SEMA6D: variants seen among roughly 807,000 people sequenced by gnomAD.
The protein encoded by SEMA6D is semaphorin-6D.
Under a neutral mutation model 106.6 loss-of-function variants are expected in SEMA6D, and 35 were observed. The ratio of observed to expected loss-of-function variants is 0.33; its 90% CI spans 0.25 to 0.44. SEMA6D has a LOEUF of 0.44. Among genes scored for constraint, SEMA6D ranks in the 20% least tolerant of loss-of-function variants. The probability of loss-of-function intolerance (pLI) is 1.00; values close to 1 mark genes in which losing one functional copy is unlikely to be tolerated. For synonymous variants in SEMA6D, 499 were observed against 487.7 expected (o/e 1.02, Z -0.31); for missense variants, 1,185 against 1,345.9 (o/e 0.88, Z 1.87).
intron 4 of SEMA6D, among the ~76,000 whole-genome samples, chr15:47,661,654 T>G (rs1253880404): frequency 6.6e-6 from 1 of 152,208 alleles, no homozygotes; most frequent in Non-Finnish European, 1.5e-5. Flanking sequence ...TGTTTGTGCG[T>G]CCAAGAAGAA....
chr15:47,527,920 A>G (rs1730967361), intron 3 of SEMA6D, among the ~76,000 whole-genome samples: 1 of 152,176 alleles, frequency 6.6e-6, no homozygotes, highest in Non-Finnish European at 1.5e-5. Context: ...TGTTACTATT[A>G]TTTTAAGGCC....
intron 4 of SEMA6D, among the ~76,000 whole-genome samples, chr15:47,611,091 G>A (rs914730517): frequency 2.0e-5 from 3 of 151,406 alleles, no homozygotes; most frequent in Admixed American, 1.3e-4. Context: ...AACAGCAAAG[G>A]CACCTGAGTC....
chr15:47,461,087 C>T (rs151004963), intron 2 of SEMA6D, among the ~76,000 whole-genome samples: 4 of 152,216 alleles, frequency 2.6e-5, no homozygotes, highest in East Asian at 3.9e-4. Flanking sequence ...TATGCCAATG[C>T]GTTTGTACTT....
intron 1 of SEMA6D, among the ~76,000 whole-genome samples, chr15:47,256,531 T>G (rs1054522273): frequency 6.6e-6 from 1 of 152,250 alleles, no homozygotes; most frequent in Non-Finnish European, 1.5e-5. Context: ...TTGATTGATG[T>G]GCTGATCTTG....
chr15:47,317,334 G>C (rs1648517357), intron 1 of SEMA6D, among the ~76,000 whole-genome samples: 7 of 151,956 alleles, frequency 4.6e-5, no homozygotes. Context: ...CTGGAAGCTT[G>C]TCTTTTTTAC....
At chr15:47,198,417 A>G (rs11852459) in intron 1 of SEMA6D, among the ~76,000 whole-genome samples, 58,586 of 151,970 alleles carry the variant, frequency 0.39, 11,777 homozygotes, top group Middle Eastern at 0.53. Flanking sequence ...AGGATTTGAT[A>G]TTGTGCAATA....
intron 1 of SEMA6D, among the ~76,000 whole-genome samples, chr15:47,248,640 T>C (rs1196731891): frequency 1.3e-5 from 2 of 152,264 alleles, no homozygotes; most frequent in African/African-American, 4.8e-5. Context: ...GGGAGTCTTC[T>C]GCAGTTTTTT....
intron 4 of SEMA6D, among the ~76,000 whole-genome samples, chr15:47,617,129 A>G (rs1224757151): frequency 6.6e-6 from 1 of 152,140 alleles, no homozygotes; most frequent in East Asian, 1.9e-4. Flanking sequence ...TCTCCTGGTT[A>G]GTCAAGTTCA....
chr15:47,337,632 G>C (rs1314473581), intron 1 of SEMA6D, among the ~76,000 whole-genome samples: 2 of 152,154 alleles, frequency 1.3e-5, no homozygotes, highest in African/African-American at 4.8e-5. Context: ...GCTCCTTAGA[G>C]TAATAGTTTG....
At position 47,695,206 on chromosome 15, in the gene SEMA6D, C is replaced by T. The variant is rs539325820; in HGVS notation, c.-54-64539C>T. Among the ~76,000 whole-genome samples the T allele has an allele frequency of 3.9e-4, 60 of 152,198 alleles. 1 individual carries two copies. Among genetic ancestry groups the T allele is most frequent in the Middle Eastern group, 6.8e-3 (2 of 294 alleles). On this transcript the variant is annotated intron_variant, in intron 4 of 19. Coordinates refer to the SEMA6D transcript ENST00000558014. Reference sequence around the variant, plus strand: ...TCAAGCTGATTTATAATATTAATGCCAAAACTGAATTCTCGTTTTTCAAAG... The same window carrying T: ...TCAAGCTGATTTATAATATTAATGCTAAAACTGAATTCTCGTTTTTCAAAG...
chr15:47,685,579 T>G (rs1184770535), intron 4 of SEMA6D, among the ~76,000 whole-genome samples: 1 of 152,166 alleles, frequency 6.6e-6, no homozygotes, highest in Non-Finnish European at 1.5e-5. Context: ...TTCTGCATTC[T>G]GGGTTAGGGC....
intron 1 of SEMA6D, among the ~76,000 whole-genome samples, chr15:47,392,584 TC>T (rs2040074861): frequency 6.6e-6 from 1 of 152,056 alleles, no homozygotes; most frequent in African/African-American, 2.4e-5. Flanking sequence ...GGAAATGAAT[TC>T]CCTCTATCCC....
At chr15:47,420,016 G>C (rs2041101213) in intron 2 of SEMA6D, among the ~76,000 whole-genome samples, 1 of 152,088 alleles carries the variant, frequency 6.6e-6, no homozygotes, top group Non-Finnish European at 1.5e-5. Context: ...TTGGGGGTGA[G>C]ACGGACCTTT....
At chr15:47,516,739 A>G (rs1474863289) in intron 3 of SEMA6D, among the ~76,000 whole-genome samples, 1 of 152,164 alleles carries the variant, frequency 6.6e-6, no homozygotes, top group Non-Finnish European at 1.5e-5. Context: ...GGAAGAGGAC[A>G]TCATCAAAGT....
chr15:47,694,633 T>C (rs1317815893), intron 4 of SEMA6D, among the ~76,000 whole-genome samples: 1 of 152,110 alleles, frequency 6.6e-6, no homozygotes, highest in Non-Finnish European at 1.5e-5. Context: ...CTTAGCTGTG[T>C]ATTCATTCAC....
intron 1 of SEMA6D, among the ~76,000 whole-genome samples, chr15:47,237,951 C>T (rs1005468090): frequency 6.6e-6 from 1 of 152,080 alleles, no homozygotes; most frequent in Non-Finnish European, 1.5e-5. Flanking sequence ...GAACTAGCAG[C>T]ACTCTTTAAG....
chr15:47,252,447 C>T (rs1157354095), intron 1 of SEMA6D, among the ~76,000 whole-genome samples: 1 of 152,068 alleles, frequency 6.6e-6, no homozygotes, highest in East Asian at 1.9e-4. Flanking sequence ...ACACAACACA[C>T]TGTTATGAGC....
intron 1 of SEMA6D, among the ~76,000 whole-genome samples, chr15:47,315,427 ACT>A (rs1004541413): frequency 6.6e-6 from 1 of 151,092 alleles, no homozygotes; most frequent in African/African-American, 2.5e-5. Flanking sequence ...CTATTTCTGG[ACT>A]CTCTATCCTC....
chr15:47,531,245 A>G lies in SEMA6D; in HGVS notation c.-87+60700A>G, dbSNP rs540641132. On this transcript the variant is annotated intron_variant, in intron 3 of 19. Coordinates refer to the SEMA6D transcript ENST00000558014. ...CTATAAATACACATATAGCAAATAG[A>G]CACTTTAAAATTATATGTGCAGAAT... is the stretch of plus-strand genomic sequence containing the variant. 1.2e-4 allele frequency among the ~76,000 whole-genome samples: 18 copies of G among 152,366 alleles called. No homozygotes were observed. In the South Asian group the frequency reaches 3.7e-3, roughly 32 times the overall value.
Sources: gnomAD v4.1 joint callset for allele counts (sites outside exome capture counted in the v4.1 genomes callset) on GRCh38, gnomAD v4.1.1 for gene constraint, MANE v1.5 for transcripts, NCBI Gene and HGNC (gene_info 2026-07-23, HGNC 2026-07-21) for gene names.